The following JAK3 variants were observed in gnomAD, a reference collection of about 807,000 sequenced individuals.
The protein encoded by JAK3 is Janus kinase 3, also known as tyrosine-protein kinase JAK3.
JAK3 carries 88 observed loss-of-function variants against 120.8 expected under a neutral mutation model. That is an observed-to-expected ratio of 0.73 (90% confidence interval 0.61 to 0.87). JAK3 has a LOEUF of 0.87. Ranked by LOEUF, JAK3 falls within the 40% of genes least tolerant of loss-of-function variation. The probability of loss-of-function intolerance (pLI) is 0.00; values close to 1 mark genes in which losing one functional copy is unlikely to be tolerated. For synonymous variants in JAK3, 592 were observed against 628.6 expected (o/e 0.94, Z 0.87); for missense variants, 1,254 against 1,501.4 (o/e 0.84, Z 2.72).
rs776151011 is a variant in JAK3, at chr19:17,835,983, C to G, written c.1855G>C (p.Val619Leu). Residue 619 changes from valine (V) to leucine (L), a missense_variant, in exon 14 of 24, where the codon GTG (valine) becomes CTG (leucine). Physicochemically the swap from Val to Leu is conservative, Grantham distance 32. Coordinates refer to ENST00000458235, the MANE Select transcript of JAK3 (RefSeq NM_000215.4). ...ACCTGCAGCTTCCAGCTGGCTGGCA[C>G]CAGGTGGCCACGTTTTCGCAGATAC... Reference protein sequence around the residue: ...DMYLRKRGHLVPASWKLQVVK... With the variant: ...DMYLRKRGHLLPASWKLQVVK... The G allele has an allele frequency of 6.2e-7, 1 of 1,614,016 alleles. No individual in the cohort carries two copies. Among genetic ancestry groups the G allele is most frequent in the African/African-American group, 1.3e-5 (1 of 74,942 alleles).
intron 17 of JAK3, 43 bp downstream of exon 17, chr19:17,834,528 A>G (rs2094220235): frequency 2.5e-6 from 4 of 1,611,622 alleles, no homozygotes; most frequent in Middle Eastern, 1.7e-4. Context: ...TGGGCCCAAT[A>G]TGACATCACA....
chr19:17,843,667 C>T lies in JAK3; in HGVS notation c.308+110G>A. ...CACCCTCTCTGGTCTGTTTCCTCATCTGAGAAATGGGTAGTGACCATACCT... is the reference window on the plus strand; with the variant it reads ...CACCCTCTCTGGTCTGTTTCCTCATTTGAGAAATGGGTAGTGACCATACCT... On this transcript the variant is annotated intron_variant, in intron 3 of 23. Transcript: ENST00000458235. The surrounding 1 kb of genome is among the most constrained non-coding windows in gnomAD (Gnocchi z 5.4). 7.0e-7 allele frequency: 1 copy of T among 1,420,598 alleles called. No homozygotes were observed. Among genetic ancestry groups the T allele is most frequent in the Admixed American group, 1.7e-5 (1 of 59,654 alleles). The allele number at this position is 1,420,598 out of a possible 1,614,324, so 88.0% of individuals were successfully genotyped here. A position where few individuals can be genotyped will look rare whatever the true frequency, so the allele number is the denominator to read the frequency against.
rs541117851 is a variant in JAK3 at position 17,842,654 on chromosome 19, G to A, written c.567-44C>T. ...AGGGAGCCGGCCCTCAGCGTCGGGA[G>A]GGGTCCCCGCGGGGACACACACAAA... On this transcript the variant is annotated intron_variant, in intron 5 of 23. Transcript: ENST00000458235. The surrounding 1 kb of genome is among the most constrained non-coding windows in gnomAD (Gnocchi z 6.4). 4.0e-6 allele frequency: 6 copies of A among 1,505,294 alleles called. No individual in the cohort carries two copies. The highest frequency in any genetic ancestry group is 2.6e-5 in the South Asian group (2 of 77,268). 93.2% of individuals were successfully genotyped at this position (1,505,294 alleles called of 1,614,324 possible). A position where few individuals can be genotyped will look rare whatever the true frequency, so the allele number is the denominator to read the frequency against.
intron 1 of JAK3, among the ~76,000 whole-genome samples, chr19:17,847,510 C>T (rs1397527772): frequency 6.6e-6 from 1 of 152,126 alleles, no homozygotes; most frequent in African/African-American, 2.4e-5. Flanking sequence ...CCTTGAACTC[C>T]TGGCCTCAAG....
Position 17,835,235 on chromosome 19 carries a change from G to A in JAK3, c.1915-20C>T, listed in dbSNP as rs564212195. The A allele has an allele frequency of 1.5e-4, 248 of 1,612,324 alleles. 2 individuals are homozygous for A. In the South Asian group the frequency reaches 2.1e-3, roughly 14 times the overall value. On this transcript the variant is annotated intron_variant, in intron 14 of 23. Transcript: ENST00000458235. ...GTCCTCCTAAGGGGGCCAGACACAG[G>A]AAAATGCCCGGGAGGGTTTGATGAA...
chr19:17,831,757 C>A lies in JAK3; in HGVS notation c.2722G>T (p.Gly908Cys). The A allele has an allele frequency of 6.2e-7, 1 of 1,612,702 alleles. No individual in the cohort carries two copies. The highest frequency in any genetic ancestry group is 1.6e-4 in the Middle Eastern group (1 of 6,062). Reference sequence around the variant, plus strand: ...CGCTGCAGGAAGTCGCGCAAGCAGCCGCTGGGCAGGTACTCCATGACCAGC... The same window carrying A: ...CGCTGCAGGAAGTCGCGCAAGCAGCAGCTGGGCAGGTACTCCATGACCAGC... ...LRLVMEYLPS[G>C]CLRDFLQRHR... Residue 908 changes from glycine to cysteine, a missense_variant, in exon 20 of 24, where the codon GGC becomes TGC. This residue lies in a region of JAK3 where 630 missense variants were observed against 819.8 expected (regional missense o/e 0.77). Coordinates refer to ENST00000458235, the MANE Select transcript of JAK3 (RefSeq NM_000215.4). This position sits in a 1 kb window ranked among gnomAD's most constrained non-coding sequence, Gnocchi z 5.1.
chr19:17,847,554 T>A (rs1256576600), intron 1 of JAK3, among the ~76,000 whole-genome samples: 1 of 152,076 alleles, frequency 6.6e-6, no homozygotes, highest in East Asian at 1.9e-4. Flanking sequence ...CTGTTTATAA[T>A]CCTCAACGTT....
chr19:17,842,787 G>T lies in JAK3; in HGVS notation c.567-177C>A. The T allele has an allele frequency of 1.2e-6, 1 of 841,542 alleles. No individual in the cohort carries two copies. Among genetic ancestry groups the T allele is most frequent in the Non-Finnish European group, 1.8e-6 (1 of 547,060 alleles). 52.1% of individuals were successfully genotyped at this position (841,542 alleles called of 1,614,324 possible). A position where few individuals can be genotyped will look rare whatever the true frequency, so the allele number is the denominator to read the frequency against. On this transcript the variant is annotated intron_variant, in intron 5 of 23. Coordinates refer to ENST00000458235, the MANE Select transcript of JAK3 (RefSeq NM_000215.4). This position sits in a 1 kb window ranked among gnomAD's most constrained non-coding sequence, Gnocchi z 6.4. Reference sequence around the variant, plus strand: ...AGGACCGGACCTCAGAGTAGGGGAGGGCCATTGGCGCCCACAGGTCGGACA... The same window carrying T: ...AGGACCGGACCTCAGAGTAGGGGAGTGCCATTGGCGCCCACAGGTCGGACA...
Position 17,842,778 on chromosome 19 carries a change from G to T in JAK3, c.567-168C>A. ...TCAGGTATGAGGACCGGACCTCAGAGTAGGGGAGGGCCATTGGCGCCCACA... is the reference window on the plus strand; with the variant it reads ...TCAGGTATGAGGACCGGACCTCAGATTAGGGGAGGGCCATTGGCGCCCACA... On this transcript the variant is annotated intron_variant, in intron 5 of 23. Coordinates refer to ENST00000458235, the MANE Select transcript of JAK3 (RefSeq NM_000215.4). The surrounding 1 kb of genome is among the most constrained non-coding windows in gnomAD (Gnocchi z 6.4). The T allele has an allele frequency of 1.2e-6, 1 of 867,000 alleles. No individual in the cohort carries two copies. The highest frequency in any genetic ancestry group is 1.8e-6 in the Non-Finnish European group (1 of 571,134). 53.7% of individuals were successfully genotyped at this position (867,000 alleles called of 1,614,324 possible). A position where few individuals can be genotyped will look rare whatever the true frequency, so the allele number is the denominator to read the frequency against.
intron 17 of JAK3, 25 bp downstream of exon 17, chr19:17,834,546 C>T (rs1467076292): frequency 1.2e-6 from 2 of 1,611,484 alleles, no homozygotes; most frequent in Admixed American, 1.7e-5. Context: ...ACAGCCCTCC[C>T]CACCCAACCC....
rs763951351 is a variant in JAK3, at chr19:17,831,715, C to A, written c.2764G>T (p.Asp922Tyr). ...GAATAGAGAAGGAGGCGGCTGGCATCGAGGCGCGCGCGGTGCCGCTGCAGG... is the reference window on the plus strand; with the variant it reads ...GAATAGAGAAGGAGGCGGCTGGCATAGAGGCGCGCGCGGTGCCGCTGCAGG... ...DFLQRHRARLDASRLLLYSSQ... is the reference protein window; with the variant it reads ...DFLQRHRARLYASRLLLYSSQ... Residue 922 changes from aspartate (D) to tyrosine (Y), a missense_variant, in exon 20 of 24, where the codon GAT becomes TAT. Around this residue, in one of 3 missense-constraint regions of JAK3, gnomAD observed 630 missense variants for 819.8 expected, o/e 0.77. Transcript: ENST00000458235. This position sits in a 1 kb window ranked among gnomAD's most constrained non-coding sequence, Gnocchi z 5.1. The A allele has an allele frequency of 6.2e-7, 1 of 1,611,220 alleles. No individual in the cohort carries two copies. Among genetic ancestry groups the A allele is most frequent in the Non-Finnish European group, 8.5e-7 (1 of 1,179,294 alleles).
rs551941409 is a variant in JAK3, at chr19:17,832,311, A to C, written c.2680+208T>G. Among the ~76,000 whole-genome samples, 2 of 152,094 alleles carry C rather than the reference A, an allele frequency of 1.3e-5. No individual in the cohort carries two copies. The highest frequency in any genetic ancestry group is 4.8e-5 in the African/African-American group (2 of 41,510). ...AACAAAGTAAATATCACAATGGCCCATTTTTCAGCTGGAGAAACTGAGGCT... is the reference window on the plus strand; with the variant it reads ...AACAAAGTAAATATCACAATGGCCCCTTTTTCAGCTGGAGAAACTGAGGCT... On this transcript the variant is annotated intron_variant, in intron 19 of 23. Transcript: ENST00000458235. This position sits in a 1 kb window ranked among gnomAD's most constrained non-coding sequence, Gnocchi z 4.7.
At chr19:17,833,829 G>A (rs545173415) in intron 17 of JAK3, among the ~76,000 whole-genome samples, 11 of 152,148 alleles carry the variant, frequency 7.2e-5, no homozygotes, top group Non-Finnish European at 1.6e-4. Context: ...CTCCAGCCTA[G>A]GTGACAGAGG....
At chr19:17,836,102 T>C (rs1263309676) in intron 13 of JAK3, 51 bp from the exon 14 acceptor site, 1 of 1,608,644 alleles carries the variant, frequency 6.2e-7, no homozygotes, top group Non-Finnish European at 8.5e-7. Context: ...TGCACTTGTG[T>C]TGAGGAGGTT....
At position 17,843,291 on chromosome 19, in the gene JAK3, C is replaced by G. The variant is rs948387044; in HGVS notation, c.420+89G>C. 5 of 1,524,544 alleles carry G rather than the reference C, an allele frequency of 3.3e-6. No individual in the cohort carries two copies. The highest frequency in any genetic ancestry group is 4.5e-6 in the Non-Finnish European group (5 of 1,123,356). 94.4% of individuals were successfully genotyped at this position (1,524,544 alleles called of 1,614,324 possible). On this transcript the variant is annotated intron_variant, in intron 4 of 23. Coordinates refer to ENST00000458235, the MANE Select transcript of JAK3 (RefSeq NM_000215.4). The surrounding 1 kb of genome is among the most constrained non-coding windows in gnomAD (Gnocchi z 5.4). ...ACCCCTGGACTGCCACAGGGAGGGT[C>G]AGACGAGGCCCCACCTGATTGCATG...
chr19:17,845,967 G>A (rs559434519), intron 1 of JAK3, among the ~76,000 whole-genome samples: 7 of 152,098 alleles, frequency 4.6e-5, no homozygotes, highest in East Asian at 1.9e-4. Context: ...ACAGGGGCAC[G>A]CCACCATGCC....
In JAK3 at chr19:17,826,600, G is replaced by C. The variant is rs569975431; in HGVS notation, c.*143C>G. On this transcript the variant is annotated 3_prime_UTR_variant, in exon 24 of 24. Coordinates refer to ENST00000458235, the MANE Select transcript of JAK3 (RefSeq NM_000215.4). ...ACAGGCTATTCTACAGGCCACGGGA[G>C]CCCCCCCAAATGCAATGTCATGGGG... 29 of 894,522 alleles carry C rather than the reference G, an allele frequency of 3.2e-5. No homozygotes were observed. Among genetic ancestry groups the C allele is most frequent in the South Asian group, 2.5e-4 (19 of 75,482 alleles). The allele number at this position is 894,522 out of a possible 1,614,324, so 55.4% of individuals were successfully genotyped here.
At position 17,839,596 on chromosome 19, in the gene JAK3, AC is replaced by A; in HGVS notation, c.1321del (p.Val441LeufsTer24). The A allele has an allele frequency of 6.2e-7, 1 of 1,612,408 alleles. No individual in the cohort carries two copies. The highest frequency in any genetic ancestry group is 1.1e-5 in the South Asian group (1 of 90,450). On this transcript the variant is annotated frameshift_variant, in exon 10 of 24. Coordinates refer to ENST00000458235, the MANE Select transcript of JAK3 (RefSeq NM_000215.4). LOFTEE classifies it high-confidence loss of function. ...RRSPTGTFLL[V>X]GLSRPHSSLR... is the part of the protein sequence containing the mutation. ...ACTGCTGTGGGGTCGGCTGAGGCCA[AC>A]CAGAAGGAAGGTTCCTGTGGGGCTG...
In JAK3 at chr19:17,840,288, T is replaced by C. The variant is rs201199447; in HGVS notation, c.1196A>G (p.Tyr399Cys). The stretch of plus-strand genomic sequence containing the variant: ...GTCCTGGGGGCTGCGGCGGAGAACA[T>C]AGGAGCCAGGACGTGAGCCCCCAGT... ...LKTGGSRPGS[Y>C]VLRRSPQDFD... The change falls in exon 9 of 24, where the codon TAT becomes TGT. Residue 399 changes from tyrosine to cysteine, a missense_variant. Physicochemically the swap from Tyr to Cys is radical, Grantham distance 194. Coordinates refer to ENST00000458235, the MANE Select transcript of JAK3 (RefSeq NM_000215.4). The C allele has an allele frequency of 3.8e-5, 61 of 1,613,782 alleles. No individual in the cohort carries two copies. The highest frequency in any genetic ancestry group is 8.9e-5 in the East Asian group (4 of 44,858).
Sources: gnomAD v4.1 joint callset for allele counts (sites outside exome capture counted in the v4.1 genomes callset) on GRCh38, gnomAD v4.1.1 for gene constraint, gnomAD v4.1.1 regional missense constraint, Gnocchi (gnomAD v3.1) non-coding constraint, MANE v1.5 for transcripts, NCBI Gene and HGNC (gene_info 2026-07-23, HGNC 2026-07-21) for gene names.